The following TUBGCP2 variants were observed in gnomAD, a reference collection of about 807,000 sequenced individuals.
TUBGCP2 encodes the protein gamma-tubulin complex component 2.
In TUBGCP2, 55 loss-of-function variants were observed where a neutral mutation model predicts 92.2. That is an observed-to-expected ratio of 0.60 (90% CI 0.48 to 0.75). The LOEUF is 0.75. Among genes scored for constraint, TUBGCP2 ranks in the 30% least tolerant of loss-of-function variants. TUBGCP2 has a pLI of 0.00. For synonymous variants in TUBGCP2, 533 were observed against 505.2 expected (o/e 1.06, Z -0.74); for missense variants, 1,093 against 1,188.9 (o/e 0.92, Z 1.19).
intron 5 of TUBGCP2, among the ~76,000 whole-genome samples, chr10:133,296,771 T>TG (rs1847497242): frequency 6.6e-6 from 1 of 152,204 alleles, no homozygotes; most frequent in African/African-American, 2.4e-5. Flanking sequence ...CCACCATGCC[T>TG]GGCCGAAGTA....
At chr10:133,300,297 G>T in intron 2 of TUBGCP2, 184 bp from the exon 3 acceptor site, 1 of 720,278 alleles carries the variant, frequency 1.4e-6, no homozygotes, top group Non-Finnish European at 2.1e-6. Context: ...CATGTTTTGA[G>T]CTAGGCAGTG....
chr10:133,282,991 C>T lies in TUBGCP2; in HGVS notation c.2289+87G>A, dbSNP rs113013160. 118 of 1,542,598 alleles carry T rather than the reference C, an allele frequency of 7.6e-5. No homozygotes were observed. The African/African-American group carries it at 9.0e-4, about 12-fold the overall frequency. On this transcript the variant is annotated intron_variant, in intron 15 of 17. Coordinates refer to ENST00000252936, the MANE Select transcript of TUBGCP2 (RefSeq NM_006659.4). ...CTCCACGAACACAAGGGCAGGAAAA[C>T]GTGAGCAGGCTGCGTGCGGCCACGG...
At position 133,283,187 on chromosome 10, in the gene TUBGCP2, G is replaced by A. The variant is rs549305914; in HGVS notation, c.2180C>T (p.Thr727Ile). 21 of 1,614,120 alleles carry A rather than the reference G, an allele frequency of 1.3e-5. No individual in the cohort carries two copies. The Admixed American group carries it at 2.8e-4, about 22-fold the overall frequency. ...CTTCAGGCAGGTGTCCAGGAAGCCT[G>A]TGTGGTGGCCAAGGACGTCGTCAAT... ...SNIDDVLGHH[T>I]GFLDTCLKDC... is the part of the protein sequence containing the mutation. The change falls in exon 15 of 18, where the codon ACA (threonine) becomes ATA (isoleucine). Residue 727 changes from threonine to isoleucine, a missense_variant. Around this residue, in one of 3 missense-constraint regions of TUBGCP2, gnomAD observed 598 missense variants for 675.5 expected, o/e 0.89. Coordinates refer to ENST00000252936, the MANE Select transcript of TUBGCP2 (RefSeq NM_006659.4).
At chr10:133,306,781 C>G (rs1258452166) in intron 1 of TUBGCP2, among the ~76,000 whole-genome samples, 5 of 152,078 alleles carry the variant, frequency 3.3e-5, no homozygotes, top group African/African-American at 9.7e-5. Context: ...GAGCGAGACT[C>G]TGTCTCAAAA....
intron 1 of TUBGCP2, 125 bp downstream of exon 1, chr10:133,308,698 A>ACAGC (rs1847889714): frequency 3.5e-6 from 1 of 289,358 alleles, no homozygotes; most frequent in Admixed American, 5.2e-5. Context: ...GGACCGCTGC[A>ACAGC]CAGCCAGAGG....
chr10:133,298,755 C>G (rs3008348), intron 4 of TUBGCP2, among the ~76,000 whole-genome samples: 41,271 of 152,244 alleles, frequency 0.27, 7,064 homozygotes, highest in African/African-American at 0.48. Flanking sequence ...TCTTCTGCCA[C>G]GGCTGAGGGA....
At chr10:133,296,786 G>A (rs141974765) in intron 5 of TUBGCP2, among the ~76,000 whole-genome samples, 109 of 152,248 alleles carry the variant, frequency 7.2e-4, no homozygotes, top group African/African-American at 2.3e-3. Flanking sequence ...GAAGTAGACT[G>A]TTTTCCATAC....
At position 133,290,407 on chromosome 10, in the gene TUBGCP2, C is replaced by T. The variant is rs149546289; in HGVS notation, c.1215-438G>A. The T allele has an allele frequency of 6.3e-3, 992 of 156,276 alleles. 4 individuals carry two copies. The highest frequency in any genetic ancestry group is 0.013 in the Middle Eastern group (4 of 304). 9.7% of individuals were successfully genotyped at this position (156,276 alleles called of 1,614,324 possible). A position where few individuals can be genotyped will look rare whatever the true frequency, so the allele number is the denominator to read the frequency against. On this transcript the variant is annotated intron_variant, in intron 8 of 17. Transcript: ENST00000252936. Reference sequence around the variant, plus strand: ...ACTTGGGAGGTTAAGGCAGGGGAATCGCTTGAACCTGGGAGGTGGGGGTTG... The same window carrying T: ...ACTTGGGAGGTTAAGGCAGGGGAATTGCTTGAACCTGGGAGGTGGGGGTTG...
At chr10:133,300,864 C>T (rs1315485251) in intron 2 of TUBGCP2, among the ~76,000 whole-genome samples, 3 of 152,172 alleles carry the variant, frequency 2.0e-5, no homozygotes, top group African/African-American at 7.2e-5. Context: ...TCACTGTATT[C>T]CCTTTTATGC....
chr10:133,308,086 C>T (rs1321578799), intron 1 of TUBGCP2, among the ~76,000 whole-genome samples: 1 of 152,218 alleles, frequency 6.6e-6, no homozygotes, highest in East Asian at 1.9e-4. Context: ...CCATTGCACT[C>T]CAGCCTGGGT....
chr10:133,281,440 G>T lies in TUBGCP2; in HGVS notation c.2410-4C>A, dbSNP rs768365486. On this transcript the variant is annotated splice_region_variant and splice_polypyrimidine_tract_variant and intron_variant, in intron 16 of 17. Transcript: ENST00000252936. ...TGTCTGCGTGCTCAGCCAGGTGCTG[G>T]AAAGAAAGCCGGGGTGCGTGAGCCA... The T allele has an allele frequency of 6.2e-7, 1 of 1,611,552 alleles. No individual in the cohort carries two copies. The highest frequency in any genetic ancestry group is 1.1e-5 in the South Asian group (1 of 91,062).
chr10:133,292,199 G>A lies in TUBGCP2; in HGVS notation c.1214+300C>T, dbSNP rs866202982. On this transcript the variant is annotated intron_variant, in intron 8 of 17. Coordinates refer to ENST00000252936, the MANE Select transcript of TUBGCP2 (RefSeq NM_006659.4). ...CACTCCGTGTCCCCCGTGTCCCTCC[G>A]TGTCCCCCATGTCCCCGTGTCCCGG... Among the ~76,000 whole-genome samples, 2 of 216 alleles carry A rather than the reference G, an allele frequency of 9.3e-3. 1 individual carries two copies. Among genetic ancestry groups the A allele is most frequent in the Non-Finnish European group, 0.021 (2 of 94 alleles). The allele number at this position is 216 out of a possible 152,430, so 0.1% of individuals were successfully genotyped here. A position where few individuals can be genotyped will look rare whatever the true frequency, so the allele number is the denominator to read the frequency against.
At chr10:133,292,955 C>A in intron 7 of TUBGCP2, 84 bp downstream of exon 7, 1 of 1,470,806 alleles carries the variant, frequency 6.8e-7, no homozygotes, top group Non-Finnish European at 9.3e-7. Flanking sequence ...CTCCACGGCC[C>A]CTGCAGAGTC....
chr10:133,290,061 AAC>A (rs1847243740), intron 8 of TUBGCP2, 92 bp from the exon 9 acceptor site: 5 of 1,521,766 alleles, frequency 3.3e-6, no homozygotes, highest in Non-Finnish European at 4.5e-6. Flanking sequence ...CAGGGACATT[AAC>A]AGAGGCCAGC....
rs185372602 is a variant in TUBGCP2, at chr10:133,290,204, G to A, written c.1215-235C>T. The A allele has an allele frequency of 2.0e-3, 1,059 of 518,214 alleles. 7 individuals carry two copies. The highest frequency in any genetic ancestry group is 0.018 in the African/African-American group (917 of 52,184). 32.1% of individuals were successfully genotyped at this position (518,214 alleles called of 1,614,324 possible). On this transcript the variant is annotated intron_variant, in intron 8 of 17. Transcript: ENST00000252936. ...AACCCCAACACTTCTCGGCTAAAAC[G>A]AACCTAGGGGCCGGGCACAGTGGCT...
At chr10:133,309,780 C>G (rs201710528), upstream of TUBGCP2, 176 of 1,612,732 alleles carry the variant, frequency 1.1e-4, 1 homozygote, top group East Asian at 2.4e-3. Flanking sequence ...TGGCAGGGTG[C>G]CCGCGTTTGC....
chr10:133,293,687 G>C lies in TUBGCP2; in HGVS notation c.699C>G (p.Val233=). ...YVLVGVDGRY[V]SAQPLAGRQS... ...GCCTCCCAGCCAGGGGCTGAGCACT[G>C]ACGTACCTCCCGTCCACGCCCACCA... The change falls in exon 6 of 18, where the codon GTC becomes GTG. Residue 233 remains valine (V), a synonymous_variant. Coordinates refer to ENST00000252936, the MANE Select transcript of TUBGCP2 (RefSeq NM_006659.4). 6.2e-7 allele frequency: 1 copy of C among 1,603,576 alleles called. No individual in the cohort carries two copies. Among genetic ancestry groups the C allele is most frequent in the Non-Finnish European group, 8.5e-7 (1 of 1,175,964 alleles).
chr10:133,300,223 G>C (rs1366132640), intron 2 of TUBGCP2, 110 bp from the exon 3 acceptor site: 1 of 1,279,368 alleles, frequency 7.8e-7, no homozygotes, highest in Non-Finnish European at 1.1e-6. Context: ...AATTGGGTAG[G>C]TTAAATAATT....
chr10:133,301,253 T>C (rs2860658), intron 2 of TUBGCP2, among the ~76,000 whole-genome samples: 31,648 of 151,960 alleles, frequency 0.21, 4,118 homozygotes, highest in African/African-American at 0.36. Context: ...CTCAGCCTCC[T>C]GAGTAGCTGC....
Sources: gnomAD v4.1 joint callset for allele counts (sites outside exome capture counted in the v4.1 genomes callset) on GRCh38, gnomAD v4.1.1 for gene constraint, gnomAD v4.1.1 regional missense constraint, MANE v1.5 for transcripts, NCBI Gene and HGNC (gene_info 2026-07-23, HGNC 2026-07-21) for gene names.